The following COL4A1 variants were observed in gnomAD, a reference collection of about 807,000 sequenced individuals.
COL4A1 encodes collagen type IV alpha 1 chain, also known as collagen alpha-1(IV) chain.
In COL4A1, 40 loss-of-function variants were observed where a neutral mutation model predicts 216.6. That is an observed-to-expected ratio of 0.18 (90% CI 0.14 to 0.24). The LOEUF is 0.24. COL4A1 is among the 10% of genes least tolerant of loss of function. The probability of loss-of-function intolerance (pLI) is 1.00; values close to 1 mark genes in which losing one functional copy is unlikely to be tolerated. For missense variants in COL4A1, 1,628 were observed against 2,196.8 expected (o/e 0.74, Z 5.18); for synonymous variants, 839 against 810.7 (o/e 1.03, Z -0.59).
chr13:110,189,891 T>G (rs1397672713), intron 24 of COL4A1, among the ~76,000 whole-genome samples: 1 of 131,932 alleles, frequency 7.6e-6, no homozygotes, highest in Non-Finnish European at 1.7e-5. Flanking sequence ...GTTTCCTATC[T>G]TTGTATCCTT....
intron 1 of COL4A1, among the ~76,000 whole-genome samples, chr13:110,276,035 G>C (rs1883413849): frequency 7.9e-6 from 1 of 127,142 alleles, no homozygotes; most frequent in South Asian, 3.1e-4. Context: ...ACAGCACCGA[G>C]AGTGAACCCC....
At chr13:110,306,114 T>C (rs971277279) in intron 1 of COL4A1, among the ~76,000 whole-genome samples, 6 of 152,056 alleles carry the variant, frequency 3.9e-5, no homozygotes, top group East Asian at 1.9e-4. Flanking sequence ...TCCAGGCTTG[T>C]CCACGGCTGG....
chr13:110,219,850 AT>A (rs1290748690), intron 2 of COL4A1, among the ~76,000 whole-genome samples: 1 of 89,246 alleles, frequency 1.1e-5, no homozygotes, highest in East Asian at 3.3e-4. Context: ...ATATGTGTAT[AT>A]ATATGTATAT....
rs558118289 is a variant in COL4A1, at chr13:110,268,956, C to T, written c.85-26222G>A. Among the ~76,000 whole-genome samples, 43 of 152,226 alleles carry T rather than the reference C, an allele frequency of 2.8e-4. No individual in the cohort carries two copies. The highest frequency in any genetic ancestry group is 7.7e-4 in the African/African-American group (32 of 41,536). The stretch of plus-strand genomic sequence containing the variant: ...GCAGAGGAGGCCAACGTGCAAAAGC[C>T]GAACCTCCGCGCACCTCCACACGCC... On this transcript the variant is annotated intron_variant, in intron 1 of 51. Coordinates refer to ENST00000375820, the MANE Select transcript of COL4A1 (RefSeq NM_001845.6). This position sits in a 1 kb window ranked among gnomAD's most constrained non-coding sequence, Gnocchi z 4.1.
At chr13:110,173,472 C>T (rs1877738105) in intron 40 of COL4A1, among the ~76,000 whole-genome samples, 1 of 151,872 alleles carries the variant, frequency 6.6e-6, no homozygotes, top group Non-Finnish European at 1.5e-5. Context: ...AAGTTAAAGC[C>T]CACCAGTGAC....
chr13:110,273,494 A>G (rs1345958653), intron 1 of COL4A1, among the ~76,000 whole-genome samples: 1 of 152,194 alleles, frequency 6.6e-6, no homozygotes. Flanking sequence ...TCAGGGAAGA[A>G]GTCTTCAGAC....
At position 110,175,083 on chromosome 13, in the gene COL4A1, C is replaced by T. The variant is rs193159266; in HGVS notation, c.3198+135G>A. ...TAGTGAATACAAGGGGAAGGAGAGG[C>T]GACTTGTGCTGCCTTATGGGACTCC... On this transcript the variant is annotated intron_variant, in intron 37 of 51. Transcript: ENST00000375820. 3.0e-5 allele frequency: 34 copies of T among 1,117,860 alleles called. No homozygotes were observed. The East Asian group carries it at 5.6e-4, about 18-fold the overall frequency. 69.2% of individuals were successfully genotyped at this position (1,117,860 alleles called of 1,614,324 possible). A position where few individuals can be genotyped will look rare whatever the true frequency, so the allele number is the denominator to read the frequency against.
intron 1 of COL4A1, among the ~76,000 whole-genome samples, chr13:110,261,036 C>A (rs7325388): frequency 0.35 from 29,644 of 83,514 alleles, 5,501 homozygotes; most frequent in East Asian, 0.46. Flanking sequence ...GACTCCGTCT[C>A]AAAAAAAAAA....
At chr13:110,302,687 G>T (rs998444680) in intron 1 of COL4A1, among the ~76,000 whole-genome samples, 1 of 152,250 alleles carries the variant, frequency 6.6e-6, no homozygotes, top group Non-Finnish European at 1.5e-5. Flanking sequence ...AGTGTCAAAA[G>T]ACTCAGAAGA....
rs1877783774 is a variant in COL4A1 at position 110,174,446 on chromosome 13, C to T, written c.3406G>A (p.Gly1136Ser). 6.2e-7 allele frequency: 1 copy of T among 1,613,826 alleles called. No homozygotes were observed. Residue 1136 changes from glycine to serine, a missense_variant and splice_region_variant, in exon 39 of 52, where the codon GGT becomes AGT. Transcript: ENST00000375820. The part of the protein sequence containing the change: ...DGIPGVKGEA[G>S]LPGTPGPTGP... ...CTGTGTCCCAAAGAGGGCCCTCTACCTGCTTCTCCTTTGACACCAGGGATG... is the reference window on the plus strand; with the variant it reads ...CTGTGTCCCAAAGAGGGCCCTCTACTTGCTTCTCCTTTGACACCAGGGATG...
chr13:110,218,068 T>C (rs1880177624), intron 2 of COL4A1, among the ~76,000 whole-genome samples: 7 of 152,132 alleles, frequency 4.6e-5, no homozygotes. Context: ...GAAATTCAAA[T>C]ACAAATCAAA....
chr13:110,163,694 G>T (rs1002764530), intron 46 of COL4A1, 133 bp from the exon 47 acceptor site: 3 of 871,892 alleles, frequency 3.4e-6, no homozygotes, highest in East Asian at 5.3e-5. Flanking sequence ...ACGTTTTCTC[G>T]GACAGCCAGG....
intron 21 of COL4A1, among the ~76,000 whole-genome samples, chr13:110,196,248 G>A (rs1387564725): frequency 1.3e-5 from 2 of 152,150 alleles, no homozygotes; most frequent in African/African-American, 2.4e-5. Flanking sequence ...GCCCAAGTGG[G>A]GTCACCATGG....
chr13:110,162,217 G>A lies in COL4A1; in HGVS notation c.4462+13C>T. The A allele has an allele frequency of 6.2e-7, 1 of 1,610,554 alleles. No homozygotes were observed. The highest frequency in any genetic ancestry group is 8.5e-7 in the Non-Finnish European group (1 of 1,177,028). On this transcript the variant is annotated intron_variant, in intron 48 of 51. Transcript: ENST00000375820. ...CTACACTGAATGAATGCATGGATCTGCAGGCTTCTTACCCAAGTCCTGGCC... is the reference window on the plus strand; with the variant it reads ...CTACACTGAATGAATGCATGGATCTACAGGCTTCTTACCCAAGTCCTGGCC...
chr13:110,182,469 TC>T (rs1262957010), intron 28 of COL4A1, among the ~76,000 whole-genome samples: 1 of 152,180 alleles, frequency 6.6e-6, no homozygotes, highest in Non-Finnish European at 1.5e-5. Context: ...AGTGTGTTGA[TC>T]AAGGTCTACC....
At chr13:110,252,474 GTATTATATATACGTATAATTATACGTA>G (rs1882128985) in intron 1 of COL4A1, among the ~76,000 whole-genome samples, 3 of 23,548 alleles carry the variant, frequency 1.3e-4, no homozygotes, top group African/African-American at 4.3e-4. Flanking sequence ...ATAATTATAT[GTATTATATATACGTATAATTATACGTA>G]TATATGTATT....
intron 2 of COL4A1, among the ~76,000 whole-genome samples, chr13:110,214,307 C>A (rs1018387098): frequency 2.0e-5 from 3 of 152,066 alleles, no homozygotes; most frequent in African/African-American, 7.2e-5. Flanking sequence ...CCAGGCTGGT[C>A]TCGAACTTCT....
intron 1 of COL4A1, among the ~76,000 whole-genome samples, chr13:110,291,784 C>T (rs772672132): frequency 2.4e-4 from 36 of 152,280 alleles, no homozygotes; most frequent in Admixed American, 4.6e-4. Flanking sequence ...GGATCATAAT[C>T]GCCAGTTCCA....
intron 50 of COL4A1, among the ~76,000 whole-genome samples, chr13:110,153,356 G>C (rs962070112): frequency 3.9e-5 from 6 of 152,224 alleles, no homozygotes; most frequent in South Asian, 2.1e-4. Flanking sequence ...GGAGGTGCTG[G>C]AAGACACTGT....
Sources: gnomAD v4.1 joint callset for allele counts (sites outside exome capture counted in the v4.1 genomes callset) on GRCh38, gnomAD v4.1.1 for gene constraint, Gnocchi (gnomAD v3.1) non-coding constraint, MANE v1.5 for transcripts, NCBI Gene and HGNC (gene_info 2026-07-23, HGNC 2026-07-21) for gene names.